Variants in GSG1L observed in about 807,000 individuals in gnomAD.
GSG1L encodes the protein GSG1 like, also known as germ cell-specific gene 1-like protein.
Under a neutral mutation model 42.1 loss-of-function variants are expected in GSG1L, and 24 were observed. That is an observed-to-expected ratio of 0.57 (90% CI 0.41 to 0.80). The LOEUF is 0.80. Among genes scored for constraint, GSG1L ranks in the 30% least tolerant of loss-of-function variants. GSG1L has a pLI of 0.00. For missense variants in GSG1L, 445 were observed against 472.2 expected (o/e 0.94, Z 0.53); for synonymous variants, 215 against 203.5 (o/e 1.06, Z -0.48).
chr16:28,056,962 G>C (rs956515686), intron 1 of GSG1L, among the ~76,000 whole-genome samples: 1 of 152,122 alleles, frequency 6.6e-6, no homozygotes, highest in African/African-American at 2.4e-5. Context: ...TTTGAGCAGA[G>C]ACTTGTACGG....
intron 2 of GSG1L, among the ~76,000 whole-genome samples, chr16:27,897,918 C>G (rs1031548218): frequency 1.3e-5 from 2 of 152,280 alleles, no homozygotes; most frequent in African/African-American, 4.8e-5. Context: ...TTGGAGCATT[C>G]TAGGTCCTCT....
chr16:28,005,190 C>T (rs1185580228), intron 1 of GSG1L, among the ~76,000 whole-genome samples: 2 of 152,008 alleles, frequency 1.3e-5, no homozygotes, highest in African/African-American at 2.4e-5. Flanking sequence ...CTCAGCTCAC[C>T]GCAACCTCCA....
At position 27,788,214 on chromosome 16, in the gene GSG1L, C is replaced by T. The variant is rs2082713899; in HGVS notation, c.*3156G>A. ...TCCTCTTCTCCCACTCAGTCTATTC[C>T]CTCCTAATTGGTTCCTGAATCTGCC... On this transcript the variant is annotated 3_prime_UTR_variant, in exon 7 of 7. Transcript: ENST00000447459. 1 of 152,190 alleles carries T rather than the reference C, an allele frequency of 6.6e-6. No individual in the cohort carries two copies. The highest frequency in any genetic ancestry group is 1.5e-5 in the Non-Finnish European group (1 of 68,062). The allele number at this position is 152,190 out of a possible 1,614,324, so 9.4% of individuals were successfully genotyped here. A position where few individuals can be genotyped will look rare whatever the true frequency, so the allele number is the denominator to read the frequency against.
chr16:27,926,507 GAA>G (rs55918316), intron 2 of GSG1L, among the ~76,000 whole-genome samples: 1 of 144,102 alleles, frequency 6.9e-6, no homozygotes, highest in African/African-American at 2.6e-5. Flanking sequence ...TATCTGTGCT[GAA>G]AAAAAAAAAA....
At position 27,918,653 on chromosome 16, in the gene GSG1L, C is replaced by T. The variant is rs567246553; in HGVS notation, c.398-34015G>A. On this transcript the variant is annotated intron_variant, in intron 2 of 6. Transcript: ENST00000447459. ...CAGCCTGGGCGACAGAGCAAGACTC[C>T]ATCTCAAAAAAAAGAAAAAAAAAAA... 2.6e-3 allele frequency among the ~76,000 whole-genome samples: 346 copies of T among 135,312 alleles called. 1 individual carries two copies. Among genetic ancestry groups the T allele is most frequent in the African/African-American group, 9.1e-3 (334 of 36,806 alleles). The allele number at this position is 135,312 out of a possible 152,430, so 88.8% of individuals were successfully genotyped here. A position where few individuals can be genotyped will look rare whatever the true frequency, so the allele number is the denominator to read the frequency against.
chr16:27,984,193 C>A (rs1055072090), intron 1 of GSG1L, among the ~76,000 whole-genome samples: 1 of 152,154 alleles, frequency 6.6e-6, no homozygotes, highest in Non-Finnish European at 1.5e-5. Context: ...ATTAATGTTT[C>A]TCTCTGAGAA....
intron 4 of GSG1L, among the ~76,000 whole-genome samples, chr16:27,830,721 G>C (rs2140968155): frequency 6.6e-6 from 1 of 152,346 alleles, no homozygotes; most frequent in Admixed American, 6.5e-5. Context: ...TCTGGTGAAA[G>C]CTGGTCCAAT....
intron 1 of GSG1L, among the ~76,000 whole-genome samples, chr16:28,053,342 T>A (rs1021037019): frequency 6.6e-6 from 1 of 152,296 alleles, no homozygotes; most frequent in Middle Eastern, 3.4e-3. Flanking sequence ...GAAGACTTCT[T>A]TTTGTTGTTA....
chr16:28,010,506 C>T (rs1280599602), intron 1 of GSG1L, among the ~76,000 whole-genome samples: 1 of 152,140 alleles, frequency 6.6e-6, no homozygotes, highest in Non-Finnish European at 1.5e-5. Context: ...GAGCTATTTG[C>T]AGACCAAAAA....
chr16:27,807,518 G>T lies in GSG1L; in HGVS notation c.867C>A (p.His289Gln). The part of the protein sequence containing the change: ...EKRDGSEEDF[H>Q]LDCRHERYPA... ...GGTATCTCTCGTGGCGGCAGTCTAA[G>T]TGAAAGTCCTCCTCGCTCCCGTCCC... is the stretch of plus-strand genomic sequence containing the variant. The change falls in exon 6 of 7, where the codon CAC (histidine) becomes CAA (glutamine). Residue 289 changes from histidine to glutamine, a missense_variant. Transcript: ENST00000447459. 1 of 1,613,084 alleles carries T rather than the reference G, an allele frequency of 6.2e-7. No homozygotes were observed.
intron 3 of GSG1L, among the ~76,000 whole-genome samples, chr16:27,866,361 G>A (rs762633059): frequency 1.3e-5 from 2 of 152,170 alleles, no homozygotes; most frequent in African/African-American, 2.4e-5. Flanking sequence ...ATCAATCACT[G>A]TGCTGGGCAC....
At chr16:27,883,401 TTTC>T (rs1216053053) in intron 3 of GSG1L, among the ~76,000 whole-genome samples, 1 of 152,106 alleles carries the variant, frequency 6.6e-6, no homozygotes, top group African/African-American at 2.4e-5. Context: ...TTGTTCTATT[TTTC>T]TTCTTTTCTT....
intron 3 of GSG1L, among the ~76,000 whole-genome samples, chr16:27,846,125 C>T (rs569340018): frequency 3.3e-5 from 5 of 152,248 alleles, no homozygotes; most frequent in African/African-American, 1.2e-4. Context: ...ATTCCAAGTC[C>T]CATAATTACA....
chr16:27,981,670 G>A (rs375587350), intron 1 of GSG1L, among the ~76,000 whole-genome samples: 10 of 152,272 alleles, frequency 6.6e-5, no homozygotes, highest in Admixed American at 2.6e-4. Context: ...GGGGATAATC[G>A]TTTCTACAAA....
At chr16:27,819,498 C>T (rs1225116044) in intron 5 of GSG1L, among the ~76,000 whole-genome samples, 2 of 152,116 alleles carry the variant, frequency 1.3e-5, no homozygotes, top group Non-Finnish European at 2.9e-5. Context: ...AGCACCCAGA[C>T]GACGCCAGGA....
In GSG1L at chr16:27,817,966, C is replaced by T. The variant is rs191568364; in HGVS notation, c.831-10412G>A. On this transcript the variant is annotated intron_variant, in intron 5 of 6. Coordinates refer to ENST00000447459, the MANE Select transcript of GSG1L (RefSeq NM_001109763.2). The stretch of plus-strand genomic sequence containing the variant: ...TGCTCTATCCTCCAGCCCAGTACTT[C>T]GCAAATTTAACGGTGCTCCAAGATC... Among the ~76,000 whole-genome samples, 6 of 152,286 alleles carry T rather than the reference C, an allele frequency of 3.9e-5. No homozygotes were observed. The East Asian group carries it at 9.7e-4, about 25-fold the overall frequency.
chr16:27,819,642 G>C (rs1266448968), intron 5 of GSG1L, among the ~76,000 whole-genome samples: 4 of 152,224 alleles, frequency 2.6e-5, no homozygotes, highest in Non-Finnish European at 5.9e-5. Flanking sequence ...ACATGGCCGG[G>C]CTGGGGAGCT....
intron 5 of GSG1L, among the ~76,000 whole-genome samples, chr16:27,810,768 ACCT>A (rs2083022122): frequency 6.6e-6 from 1 of 151,514 alleles, no homozygotes; most frequent in African/African-American, 2.4e-5. Flanking sequence ...GCTCACCACA[ACCT>A]CCTCCTCCTG....
chr16:27,986,086 C>T (rs1487429791), intron 1 of GSG1L, among the ~76,000 whole-genome samples: 3 of 152,232 alleles, frequency 2.0e-5, no homozygotes, highest in Middle Eastern at 3.4e-3. Flanking sequence ...ATGACCTTTG[C>T]GTGTGCCATG....
Sources: allele counts gnomAD v4.1 joint callset (sites outside exome capture counted in the v4.1 genomes callset), GRCh38; gene constraint gnomAD v4.1.1; transcripts MANE v1.5; gene names NCBI Gene and HGNC (gene_info 2026-07-23, HGNC 2026-07-21).